KCND2: variants seen among roughly 807,000 people sequenced by gnomAD.
The protein encoded by KCND2 is potassium voltage-gated channel subfamily D member 2.
KCND2 carries 16 observed loss-of-function variants against 54.4 expected under a neutral mutation model. The ratio of observed to expected loss-of-function variants is 0.29; its 90% CI spans 0.20 to 0.45. KCND2 has a LOEUF of 0.45. Among genes scored for constraint, KCND2 ranks in the 20% least tolerant of loss-of-function variants. The pLI is 1.00. For synonymous variants in KCND2, 317 were observed against 310.7 expected, an observed-to-expected ratio of 1.02 and a Z score of -0.21; for missense variants, 486 against 824.2, an observed-to-expected ratio of 0.59 and a Z score of 5.02.
chr7:120,458,379 A>G (rs1802233229), intron 1 of KCND2, among the ~76,000 whole-genome samples: 1 of 152,214 alleles, frequency 6.6e-6, no homozygotes, highest in Non-Finnish European at 1.5e-5. Flanking sequence ...GATACCAACC[A>G]AGACTCAATA....
chr7:120,365,297 T>A (rs1349080997), intron 1 of KCND2, among the ~76,000 whole-genome samples: 2 of 152,002 alleles, frequency 1.3e-5, no homozygotes, highest in African/African-American at 4.8e-5. Flanking sequence ...GCTTTTGAGA[T>A]GTCTCCTGAG....
chr7:120,603,512 G>A (rs1187413110), intron 1 of KCND2, among the ~76,000 whole-genome samples: 1 of 152,182 alleles, frequency 6.6e-6, no homozygotes, highest in East Asian at 1.9e-4. Flanking sequence ...CTGGTGCCCA[G>A]CACTGAGCTT....
intron 1 of KCND2, among the ~76,000 whole-genome samples, chr7:120,537,738 A>G (rs556910229): frequency 6.6e-6 from 1 of 152,306 alleles, no homozygotes; most frequent in South Asian, 2.1e-4. Context: ...AAACCTCATG[A>G]ACCAACCTGT....
At chr7:120,517,569 G>A (rs919562988) in intron 1 of KCND2, among the ~76,000 whole-genome samples, 1 of 152,082 alleles carries the variant, frequency 6.6e-6, no homozygotes, top group Non-Finnish European at 1.5e-5. Context: ...TAATTGATCT[G>A]AACCTCTCAG....
chr7:120,450,914 C>G (rs1802096054), intron 1 of KCND2, among the ~76,000 whole-genome samples: 1 of 152,180 alleles, frequency 6.6e-6, no homozygotes, highest in African/African-American at 2.4e-5. Context: ...TATTAAGGAA[C>G]CTGATGTCCA....
intron 1 of KCND2, among the ~76,000 whole-genome samples, chr7:120,326,909 A>G (rs1799986532): frequency 6.6e-6 from 1 of 152,066 alleles, no homozygotes. Context: ...GAACAAAACA[A>G]ATGTGATCTG....
intron 1 of KCND2, among the ~76,000 whole-genome samples, chr7:120,322,831 G>A (rs1360757372): frequency 2.0e-5 from 3 of 151,328 alleles, no homozygotes; most frequent in Non-Finnish European, 2.9e-5. Flanking sequence ...GGTGTTTAAG[G>A]GTTAGATCAA....
intron 1 of KCND2, among the ~76,000 whole-genome samples, chr7:120,526,527 T>G (rs1017022845): frequency 2.6e-5 from 4 of 152,136 alleles, no homozygotes; most frequent in African/African-American, 4.8e-5. Flanking sequence ...CAGTATCCCA[T>G]GCACTCCAAA....
chr7:120,546,345 G>A (rs1035475042), intron 1 of KCND2, among the ~76,000 whole-genome samples: 1 of 151,862 alleles, frequency 6.6e-6, no homozygotes, highest in Non-Finnish European at 1.5e-5. Context: ...TTGAATTTCA[G>A]CAAAGGGATC....
chr7:120,569,420 G>T (rs775732906), intron 1 of KCND2, among the ~76,000 whole-genome samples: 19 of 152,080 alleles, frequency 1.2e-4, no homozygotes, highest in African/African-American at 4.6e-4. Context: ...CAAATTATTT[G>T]TCTTATTTTG....
chr7:120,598,780 T>G (rs1792779235), intron 1 of KCND2, among the ~76,000 whole-genome samples: 1 of 152,204 alleles, frequency 6.6e-6, no homozygotes, highest in Non-Finnish European at 1.5e-5. Flanking sequence ...CATTGTTACT[T>G]TCTTAACAGT....
intron 1 of KCND2, among the ~76,000 whole-genome samples, chr7:120,468,880 A>G (rs1294513569): frequency 6.6e-6 from 1 of 151,772 alleles, no homozygotes; most frequent in Non-Finnish European, 1.5e-5. Context: ...TTCTTCATTG[A>G]TTCCCTGACT....
intron 1 of KCND2, among the ~76,000 whole-genome samples, chr7:120,633,395 A>G (rs547828589): frequency 1.3e-4 from 20 of 152,300 alleles, no homozygotes; most frequent in African/African-American, 3.1e-4. Flanking sequence ...CCTGAATCCA[A>G]TGTATTTGTA....
At chr7:120,461,321 C>T (rs1045817068) in intron 1 of KCND2, among the ~76,000 whole-genome samples, 10 of 152,150 alleles carry the variant, frequency 6.6e-5, no homozygotes, top group Admixed American at 1.3e-4. Context: ...CACTTTTTCA[C>T]TAGGGTTTCT....
chr7:120,744,702 A>G (rs956639113), intron 4 of KCND2, among the ~76,000 whole-genome samples: 2 of 152,194 alleles, frequency 1.3e-5, no homozygotes, highest in Non-Finnish European at 2.9e-5. Flanking sequence ...TAGCTAAAAC[A>G]TAATCTATTT....
intron 1 of KCND2, among the ~76,000 whole-genome samples, chr7:120,692,457 G>A (rs1792281749): frequency 6.6e-6 from 1 of 152,074 alleles, no homozygotes; most frequent in African/African-American, 2.4e-5. Flanking sequence ...GACAGAAAAT[G>A]TTAAACTACA....
At chr7:120,650,001 G>T (rs1373109194) in intron 1 of KCND2, among the ~76,000 whole-genome samples, 3 of 152,050 alleles carry the variant, frequency 2.0e-5, no homozygotes, top group Non-Finnish European at 2.9e-5. Flanking sequence ...AGTCTGATGG[G>T]CTTCCCTTTG....
At chr7:120,677,261 A>C (rs1792072968) in intron 1 of KCND2, among the ~76,000 whole-genome samples, 1 of 152,182 alleles carries the variant, frequency 6.6e-6, no homozygotes, top group Non-Finnish European at 1.5e-5. Flanking sequence ...TGGAAATGCA[A>C]AGTATTTGCA....
intron 1 of KCND2, among the ~76,000 whole-genome samples, chr7:120,583,421 G>A (rs569302433): frequency 1.3e-5 from 2 of 152,250 alleles, no homozygotes; most frequent in South Asian, 4.1e-4. Flanking sequence ...ATGTGTGTGT[G>A]TTTTATATTA....
Sources: allele counts gnomAD v4.1 joint callset (sites outside exome capture counted in the v4.1 genomes callset), GRCh38; gene constraint gnomAD v4.1.1; transcripts MANE v1.5; gene names NCBI Gene and HGNC (gene_info 2026-07-23, HGNC 2026-07-21).